Variants in CDYL observed in about 807,000 individuals in gnomAD.
CDYL encodes the protein chromodomain Y-like protein.
CDYL carries 8 observed loss-of-function variants against 47.3 expected under a neutral mutation model. The observed-to-expected ratio is 0.17, with a 90% CI of 0.10 to 0.31. The LOEUF (loss-of-function observed/expected upper bound fraction) is 0.31. Ranked by LOEUF, CDYL falls within the 10% of genes least tolerant of loss-of-function variation. CDYL has a pLI of 1.00. For missense variants in CDYL, 471 were observed against 701.4 expected, an observed-to-expected ratio of 0.67 and a Z score of 3.71; for synonymous variants, 266 against 265.0, an observed-to-expected ratio of 1.00 and a Z score of -0.04.
At chr6:4,798,642 A>C (rs1694770153) in intron 1 of CDYL, among the ~76,000 whole-genome samples, 1 of 152,240 alleles carries the variant, frequency 6.6e-6, no homozygotes, top group African/African-American at 2.4e-5. Flanking sequence ...ATGTCAGTCT[A>C]TAATTTTCTT....
intron 3 of CDYL, among the ~76,000 whole-genome samples, chr6:4,765,025 T>C (rs1333178120): frequency 2.0e-5 from 3 of 151,488 alleles, no homozygotes; most frequent in African/African-American, 7.3e-5. Context: ...ACTACAATGT[T>C]ATTAAGCCAG....
In CDYL at chr6:4,938,869, G is replaced by A. The variant is rs112239967; in HGVS notation, c.1121+1132G>A. 1.6e-3 allele frequency among the ~76,000 whole-genome samples: 243 copies of A among 152,108 alleles called. 1 individual carries two copies. Among genetic ancestry groups the A allele is most frequent in the African/African-American group, 5.4e-3 (223 of 41,488 alleles). On this transcript the variant is annotated intron_variant, in intron 4 of 6. Coordinates refer to ENST00000397588, the MANE Select transcript of CDYL (RefSeq NM_004824.4). ...AACTTTCTCTAAAACCACTTAATTC[G>A]TCTAAAATCATATCCCCTCATTTAT...
intron 3 of CDYL, among the ~76,000 whole-genome samples, chr6:4,770,684 A>G (rs1024281933): frequency 2.0e-5 from 3 of 152,240 alleles, no homozygotes; most frequent in African/African-American, 7.2e-5. Context: ...TTCAAAATAT[A>G]TCACTCTGGG....
intron 1 of CDYL, among the ~76,000 whole-genome samples, chr6:4,870,644 A>C (rs1226149161): frequency 6.6e-6 from 1 of 151,950 alleles, no homozygotes; most frequent in South Asian, 2.1e-4. Flanking sequence ...CATTACATGT[A>C]TGTCTGCACT....
intron 1 of CDYL, among the ~76,000 whole-genome samples, chr6:4,777,778 C>T (rs1758510171): frequency 6.6e-6 from 1 of 152,150 alleles, no homozygotes; most frequent in South Asian, 2.1e-4. Flanking sequence ...GTTGTCTTCT[C>T]TTATGGGCGT....
At chr6:4,756,319 C>T (rs1758073653) in intron 3 of CDYL, among the ~76,000 whole-genome samples, 2 of 152,106 alleles carry the variant, frequency 1.3e-5, no homozygotes, top group African/African-American at 2.4e-5. Flanking sequence ...AAATTCACTC[C>T]ACTCTTTTGC....
chr6:4,712,117 G>A (rs1049087730), intron 1 of CDYL, among the ~76,000 whole-genome samples: 9 of 152,094 alleles, frequency 5.9e-5, no homozygotes, highest in African/African-American at 2.2e-4. Flanking sequence ...AGTAGAAGCA[G>A]AAGCTTCCAC....
At chr6:4,877,058 C>G (rs1448375943) in intron 1 of CDYL, among the ~76,000 whole-genome samples, 8 of 152,226 alleles carry the variant, frequency 5.3e-5, no homozygotes, top group Admixed American at 4.6e-4. Context: ...TCGCCAGACA[C>G]TGAATCTGCT....
chr6:4,885,240 C>T (rs1173258172), intron 1 of CDYL, among the ~76,000 whole-genome samples: 4 of 152,170 alleles, frequency 2.6e-5, no homozygotes. Context: ...GCAATGCTGC[C>T]ACCTCAGCTT....
chr6:4,817,942 G>T (rs566085737), intron 1 of CDYL, among the ~76,000 whole-genome samples: 65 of 152,156 alleles, frequency 4.3e-4, no homozygotes, highest in Non-Finnish European at 7.1e-4. Flanking sequence ...GCTTAAGTAA[G>T]ATAGTAGCTA....
At chr6:4,873,920 T>A (rs1242914315) in intron 1 of CDYL, among the ~76,000 whole-genome samples, 1 of 152,226 alleles carries the variant, frequency 6.6e-6, no homozygotes, top group Non-Finnish European at 1.5e-5. Context: ...GCCTTCTGCC[T>A]GTCTGTACCT....
At chr6:4,796,705 A>C (rs1445403353) in intron 1 of CDYL, among the ~76,000 whole-genome samples, 1 of 152,164 alleles carries the variant, frequency 6.6e-6, no homozygotes, top group Non-Finnish European at 1.5e-5. Context: ...TACTAGTTGA[A>C]TCTTTTTCCT....
chr6:4,835,683 C>T (rs1169783521), intron 1 of CDYL, among the ~76,000 whole-genome samples: 1 of 152,226 alleles, frequency 6.6e-6, no homozygotes, highest in Non-Finnish European at 1.5e-5. Context: ...AGAGGTGGAG[C>T]CTACAGAGGC....
intron 4 of CDYL, among the ~76,000 whole-genome samples, chr6:4,942,430 G>A (rs1758387050): frequency 6.6e-6 from 1 of 152,060 alleles, no homozygotes; most frequent in Admixed American, 6.5e-5. Context: ...AGATTGCTGT[G>A]GTTTTAAATT....
At chr6:4,747,074 C>G (rs1481468488) in intron 3 of CDYL, among the ~76,000 whole-genome samples, 1 of 152,026 alleles carries the variant, frequency 6.6e-6, no homozygotes, top group Non-Finnish European at 1.5e-5. Context: ...TTTGGGAGGT[C>G]GAGGCGGGCC....
intron 3 of CDYL, among the ~76,000 whole-genome samples, chr6:4,745,979 G>T (rs1757889358): frequency 6.6e-6 from 1 of 152,196 alleles, no homozygotes; most frequent in Admixed American, 6.5e-5. Context: ...TCAGCCTGAA[G>T]ATGCCTGGCA....
intron 1 of CDYL, among the ~76,000 whole-genome samples, chr6:4,822,288 T>C (rs745697809): frequency 4.6e-5 from 7 of 152,140 alleles, no homozygotes; most frequent in Non-Finnish European, 8.8e-5. Flanking sequence ...TGTGAGCCAC[T>C]GTGCCCGGCA....
chr6:4,791,719 A>G (rs1196031429), intron 1 of CDYL, among the ~76,000 whole-genome samples: 1 of 152,078 alleles, frequency 6.6e-6, no homozygotes, highest in African/African-American at 2.4e-5. Context: ...AGAAAAAAAA[A>G]AAGTCCCATG....
chr6:4,724,063 G>A (rs1474991711), intron 2 of CDYL, among the ~76,000 whole-genome samples: 3 of 152,174 alleles, frequency 2.0e-5, no homozygotes, highest in African/African-American at 7.2e-5. Context: ...GCGTTTGAGA[G>A]AGTCTTGCTC....
Sources: gnomAD v4.1 joint callset for allele counts (sites outside exome capture counted in the v4.1 genomes callset) on GRCh38, gnomAD v4.1.1 for gene constraint, MANE v1.5 for transcripts, NCBI Gene and HGNC (gene_info 2026-07-23, HGNC 2026-07-21) for gene names.